DIAPH2: variants seen among roughly 807,000 people sequenced by gnomAD.
DIAPH2 encodes the protein diaphanous related formin 2.
In DIAPH2, 35 loss-of-function variants were observed where a neutral mutation model predicts 92.7. The ratio of observed to expected loss-of-function variants is 0.38; its 90% CI spans 0.29 to 0.50. DIAPH2 has a LOEUF of 0.50. DIAPH2 is among the 20% of genes least tolerant of loss of function. The pLI, the probability that DIAPH2 is intolerant of heterozygous loss-of-function variation, is 0.94. For synonymous variants in DIAPH2, 301 were observed against 280.4 expected (o/e 1.07, Z -0.73); for missense variants, 701 against 819.5 (o/e 0.86, Z 1.77).
Position 96,718,199 on chromosome X carries a change from C to T in DIAPH2, c.133-17559C>T, listed in dbSNP as rs990796025. Among the ~76,000 whole-genome samples, 6 of 107,430 alleles carry T rather than the reference C, an allele frequency of 5.6e-5. No homozygotes were observed. The South Asian group carries it at 2.1e-3, about 38-fold the overall frequency. 93.3% of individuals were successfully genotyped at this position (107,430 alleles called of 115,157 possible). A position where few individuals can be genotyped will look rare whatever the true frequency, so the allele number is the denominator to read the frequency against. Reference sequence around the variant, plus strand: ...CCCACAAATAAGTGAAAACATGCAACGTTTGCCTTTCTGTGCCTGGCTTTT... The same window carrying T: ...CCCACAAATAAGTGAAAACATGCAATGTTTGCCTTTCTGTGCCTGGCTTTT... On this transcript the variant is annotated intron_variant, in intron 1 of 26. Coordinates refer to ENST00000324765, the MANE Select transcript of DIAPH2 (RefSeq NM_006729.5).
intron 1 of DIAPH2, among the ~76,000 whole-genome samples, chrX:96,700,247 G>A (rs1224041572): frequency 8.9e-6 from 1 of 111,902 alleles, no homozygotes; most frequent in Admixed American, 9.5e-5. Flanking sequence ...GGGTTCAAGC[G>A]ATCCACCCGT....
At chrX:97,255,634 A>C (rs1437044254) in intron 23 of DIAPH2, among the ~76,000 whole-genome samples, 1 of 112,138 alleles carries the variant, frequency 8.9e-6, no homozygotes, top group Non-Finnish European at 1.9e-5. Context: ...ATGGCCAGTA[A>C]ACAGAACATT....
chrX:96,837,393 C>T (rs1330454174), intron 4 of DIAPH2, among the ~76,000 whole-genome samples: 1 of 88,668 alleles, frequency 1.1e-5, no homozygotes, highest in Non-Finnish European at 2.2e-5. Context: ...CCCTCCCTCC[C>T]TTCCTCCCTC....
intron 23 of DIAPH2, among the ~76,000 whole-genome samples, chrX:97,304,626 G>C (rs904587165): frequency 8.9e-6 from 1 of 112,244 alleles, no homozygotes; most frequent in Non-Finnish European, 1.9e-5. Flanking sequence ...TTCATCTCAC[G>C]ATGTTTGATT....
intron 4 of DIAPH2, among the ~76,000 whole-genome samples, chrX:96,852,974 G>A (rs1213108980): frequency 9.0e-6 from 1 of 111,063 alleles, no homozygotes; most frequent in Non-Finnish European, 1.9e-5. Context: ...AAGAGTACAG[G>A]GATTATTATC....
chrX:97,292,636 T>C (rs1336406998), intron 23 of DIAPH2, among the ~76,000 whole-genome samples: 1 of 106,130 alleles, frequency 9.4e-6, no homozygotes, highest in Non-Finnish European at 1.9e-5. Flanking sequence ...AACCTCCGCC[T>C]CCTGGGTTCA....
chrX:96,704,690 T>C (rs756223752), intron 1 of DIAPH2, among the ~76,000 whole-genome samples: 2 of 111,692 alleles, frequency 1.8e-5, no homozygotes, highest in Admixed American at 9.6e-5. Flanking sequence ...GTATTTGATA[T>C]GTATTGTAGT....
chrX:97,040,356 C>T (rs1272534714), intron 17 of DIAPH2, among the ~76,000 whole-genome samples: 1 of 110,635 alleles, frequency 9.0e-6, no homozygotes, highest in Non-Finnish European at 1.9e-5. Flanking sequence ...TTATTCCCAC[C>T]TGAGCTTATA....
intron 26 of DIAPH2, among the ~76,000 whole-genome samples, chrX:97,542,741 G>A (rs2071149714): frequency 9.0e-6 from 1 of 111,192 alleles, no homozygotes; most frequent in Admixed American, 9.6e-5. Context: ...TGTGGGTGAT[G>A]GTTATATCAT....
chrX:97,448,715 T>C (rs1184606745), intron 26 of DIAPH2, among the ~76,000 whole-genome samples: 1 of 112,198 alleles, frequency 8.9e-6, no homozygotes, highest in East Asian at 2.8e-4. Context: ...TTTTAAAACA[T>C]ATAAACACAT....
chrX:97,547,185 C>T (rs1569421793), intron 26 of DIAPH2, among the ~76,000 whole-genome samples: 1 of 111,381 alleles, frequency 9.0e-6, no homozygotes, highest in Non-Finnish European at 1.9e-5. Context: ...TGATGCCTCA[C>T]CTTTTCTCCC....
At chrX:97,120,276 G>T (rs2067046920) in intron 21 of DIAPH2, among the ~76,000 whole-genome samples, 1 of 110,455 alleles carries the variant, frequency 9.1e-6, no homozygotes, top group African/African-American at 3.3e-5. Flanking sequence ...TCAGCTCCAG[G>T]TAAGGTTGGA....
Position 96,962,336 on chromosome X carries a change from TAC to T in DIAPH2, c.1936-2755_1936-2754del, listed in dbSNP as rs1330300770. Among the ~76,000 whole-genome samples, 62 of 44,805 alleles carry T rather than the reference TAC, an allele frequency of 1.4e-3. 1 individual carries two copies. Among genetic ancestry groups the T allele is most frequent in the African/African-American group, 4.1e-3 (57 of 13,985 alleles). 38.9% of individuals were successfully genotyped at this position (44,805 alleles called of 115,157 possible). A position where few individuals can be genotyped will look rare whatever the true frequency, so the allele number is the denominator to read the frequency against. ...ACATATATATATACACATATATATA[TAC>T]ATATATATATATACACATATATATA... On this transcript the variant is annotated intron_variant, in intron 16 of 26. Coordinates refer to ENST00000324765, the MANE Select transcript of DIAPH2 (RefSeq NM_006729.5).
chrX:97,349,955 C>T (rs895033132), intron 24 of DIAPH2, among the ~76,000 whole-genome samples: 1 of 111,935 alleles, frequency 8.9e-6, no homozygotes, highest in Admixed American at 9.5e-5. Flanking sequence ...AGTTGACACA[C>T]TGAAATGATA....
At chrX:97,297,911 C>A (rs1206834934) in intron 23 of DIAPH2, among the ~76,000 whole-genome samples, 1 of 110,135 alleles carries the variant, frequency 9.1e-6, no homozygotes, top group Admixed American at 9.9e-5. Flanking sequence ...TATGGGGATA[C>A]CATGGTGTTA....
intron 25 of DIAPH2, among the ~76,000 whole-genome samples, chrX:97,418,710 A>C (rs1033658982): frequency 5.4e-5 from 6 of 112,067 alleles, no homozygotes; most frequent in African/African-American, 1.3e-4. Flanking sequence ...TTTGTAGAGA[A>C]GCTGAGTTTA....
chrX:97,292,129 G>A (rs970140822), intron 23 of DIAPH2, among the ~76,000 whole-genome samples: 10 of 101,525 alleles, frequency 9.8e-5, no homozygotes, highest in African/African-American at 3.7e-4. Flanking sequence ...CTGGAGTGCA[G>A]TGGATCCTCC....
intron 26 of DIAPH2, among the ~76,000 whole-genome samples, chrX:97,498,640 G>T (rs2070775603): frequency 9.0e-6 from 1 of 111,059 alleles, no homozygotes; most frequent in Admixed American, 9.6e-5. Context: ...CAGGAGACTT[G>T]AGGTACTAGA....
chrX:96,969,881 G>A (rs2065916897), intron 17 of DIAPH2, among the ~76,000 whole-genome samples: 1 of 111,170 alleles, frequency 9.0e-6, no homozygotes, highest in Non-Finnish European at 1.9e-5. Context: ...GTCATAGATA[G>A]CTCTTATTAT....
Sources: allele counts gnomAD v4.1 joint callset (sites outside exome capture counted in the v4.1 genomes callset), GRCh38; gene constraint gnomAD v4.1.1; transcripts MANE v1.5; gene names NCBI Gene and HGNC (gene_info 2026-07-23, HGNC 2026-07-21).